The following WDR18 variants were observed in gnomAD, a reference collection of about 807,000 sequenced individuals.
WDR18 encodes WD repeat-containing protein 18.
Under a neutral mutation model 49.6 loss-of-function variants are expected in WDR18, and 33 were observed. That is an observed-to-expected ratio of 0.67 (90% CI 0.50 to 0.89). The LOEUF (loss-of-function observed/expected upper bound fraction) is 0.89. Among genes scored for constraint, WDR18 ranks in the 40% least tolerant of loss-of-function variants. WDR18 has a pLI of 0.00. For synonymous variants in WDR18, 315 were observed against 263.6 expected (o/e 1.19, Z -1.89); for missense variants, 653 against 593.6 (o/e 1.10, Z -1.04).
At chr19:983,668 A>C (rs1187598159), upstream of WDR18, among the ~76,000 whole-genome samples, 1 of 151,902 alleles carries the variant, frequency 6.6e-6, no homozygotes, top group East Asian at 1.9e-4. Flanking sequence ...TGTTTGACCT[A>C]CACCAAGCTA....
intron 2 of WDR18, among the ~76,000 whole-genome samples, chr19:987,939 A>C (rs926350686): frequency 6.8e-6 from 1 of 146,514 alleles, no homozygotes; most frequent in Non-Finnish European, 1.5e-5. Flanking sequence ...GGTTCAAGCG[A>C]TTCTCCTGCC....
rs950003010 is a variant in WDR18, at chr19:991,093, G to C, written c.754G>C (p.Glu252Gln). Residue 252 changes from glutamate (E) to glutamine (Q), a missense_variant, in exon 6 of 10, where the codon GAG (glutamate) becomes CAG (glutamine). Transcript: ENST00000585809. ...VDLFTWPGQR[E>Q]RSFHPEQDAG... ...TCGGCCTTCGCAGCCCGGACAGAGG[G>C]AGAGGAGCTTCCACCCAGAGCAGGA... 1.2e-6 allele frequency: 2 copies of C among 1,601,444 alleles called. No homozygotes were observed. The highest frequency in any genetic ancestry group is 1.7e-5 in the Admixed American group (1 of 58,190).
intron 2 of WDR18, 82 bp downstream of exon 2, chr19:986,057 C>T: frequency 1.4e-6 from 2 of 1,383,890 alleles, no homozygotes; most frequent in Non-Finnish European, 2.0e-6. Flanking sequence ...AGGGAACAAC[C>T]ATGCGGCCTG....
chr19:991,004 C>T lies in WDR18; in HGVS notation c.741+9C>T, dbSNP rs372042080. The T allele has an allele frequency of 2.7e-5, 43 of 1,604,354 alleles. No individual in the cohort carries two copies. Among genetic ancestry groups the T allele is most frequent in the Admixed American group, 1.9e-4 (11 of 59,394 alleles). ...TCGACCTCTTCACCTGGGTGAGTGC[C>T]GCGGTCTGCGGGCTGCACCCTGCCC... On this transcript the variant is annotated intron_variant, in intron 5 of 9. Coordinates refer to ENST00000585809, the MANE Select transcript of WDR18 (RefSeq NM_024100.4).
At position 994,332 on chromosome 19, in the gene WDR18, G is replaced by A. The variant is rs1431659319; in HGVS notation, c.1287G>A (p.Arg429=). The change falls in exon 10 of 10, where the codon CGG becomes CGA. Residue 429 remains arginine (R), a synonymous_variant. Coordinates refer to ENST00000585809, the MANE Select transcript of WDR18 (RefSeq NM_024100.4). ...ACTTCTCCACGCGCTTCATCACGCGGCCGGCCAAGTGAGGCCCGGAGACCC... is the reference window on the plus strand; with the variant it reads ...ACTTCTCCACGCGCTTCATCACGCGACCGGCCAAGTGAGGCCCGGAGACCC... The part of the protein sequence containing the change: ...LFDFSTRFIT[R]PAK 6.2e-7 allele frequency: 1 copy of A among 1,609,306 alleles called. No homozygotes were observed. The highest frequency in any genetic ancestry group is 1.3e-5 in the African/African-American group (1 of 74,998).
At chr19:989,446 G>T (rs573646835) in intron 2 of WDR18, among the ~76,000 whole-genome samples, 42 of 152,314 alleles carry the variant, frequency 2.8e-4, no homozygotes, top group African/African-American at 1.0e-3. Context: ...CAGGACGCCT[G>T]GGGTCAGGCT....
At chr19:985,559 G>C (rs1191755161) in intron 1 of WDR18, among the ~76,000 whole-genome samples, 1 of 152,096 alleles carries the variant, frequency 6.6e-6, no homozygotes, top group Non-Finnish European at 1.5e-5. Flanking sequence ...AAGCCTACTG[G>C]GCTCTTGGGC....
intron 2 of WDR18, 45 bp downstream of exon 2, chr19:986,020 C>G (rs1275014703): frequency 1.9e-6 from 3 of 1,585,108 alleles, no homozygotes; most frequent in Non-Finnish European, 8.7e-7. Flanking sequence ...ACATCTCAGC[C>G]CATCTGAGCT....
chr19:991,410 T>A (rs2038546566), intron 7 of WDR18, 59 bp downstream of exon 7: 2 of 1,133,138 alleles, frequency 1.8e-6, no homozygotes, highest in Admixed American at 3.6e-5. Context: ...CAGCAGGAGC[T>A]CCGGGCTTGG....
At chr19:985,063 C>G (rs1413166676) in intron 1 of WDR18, among the ~76,000 whole-genome samples, 2 of 152,204 alleles carry the variant, frequency 1.3e-5, no homozygotes, top group Non-Finnish European at 2.9e-5. Context: ...CAGCCAGTCC[C>G]TGAAGCTACT....
intron 2 of WDR18, among the ~76,000 whole-genome samples, chr19:986,913 C>G (rs1020407762): frequency 6.6e-6 from 1 of 152,208 alleles, no homozygotes; most frequent in African/African-American, 2.4e-5. Flanking sequence ...GCAGGGCAGA[C>G]AGTACAAGAT....
At position 991,970 on chromosome 19, in the gene WDR18, C is replaced by G; in HGVS notation, c.947C>G (p.Ala316Gly). Residue 316 changes from alanine (A) to glycine (G), a missense_variant, in exon 8 of 10, where the codon GCC becomes GGC. Coordinates refer to ENST00000585809, the MANE Select transcript of WDR18 (RefSeq NM_024100.4). ...TVALKGPVTN[A>G]AILLAPVSML... ...CGCCCCCCAGGCCCAGTCACCAATG[C>G]CGCCATCCTGCTGGCGCCCGTCAGC... is the stretch of plus-strand genomic sequence containing the variant. The G allele has an allele frequency of 6.3e-7, 1 of 1,591,664 alleles. No homozygotes were observed. Among genetic ancestry groups the G allele is most frequent in the African/African-American group, 1.4e-5 (1 of 73,506 alleles).
chr19:989,990 C>A (rs1015604742), intron 3 of WDR18, 95 bp downstream of exon 3: 13 of 1,503,584 alleles, frequency 8.6e-6, no homozygotes, highest in Non-Finnish European at 1.1e-5. Flanking sequence ...AGGGGCTTCT[C>A]TCTTGGGGGC....
chr19:983,219 C>G (rs183696302), upstream of WDR18, among the ~76,000 whole-genome samples: 2 of 152,178 alleles, frequency 1.3e-5, no homozygotes, highest in Non-Finnish European at 2.9e-5. Context: ...AAGGCCTAAG[C>G]CCAGGTGTTG....
Position 991,241 on chromosome 19 carries a change from G to T in WDR18, c.821G>T (p.Cys274Phe). Residue 274 changes from cysteine (C) to phenylalanine (F), a missense_variant, in exon 7 of 10, where the codon TGC becomes TTC. Transcript: ENST00000585809. ...VFKGHRNQVT[C>F]LSVSTDGSVL... The stretch of plus-strand genomic sequence containing the variant: ...TGTCTGTCCAGGAACCAGGTGACTT[G>T]CCTGTCAGTGTCCACTGACGGCAGC... The T allele has an allele frequency of 6.4e-7, 1 of 1,574,460 alleles. No individual in the cohort carries two copies. Among genetic ancestry groups the T allele is most frequent in the African/African-American group, 1.4e-5 (1 of 73,896 alleles).
chr19:991,889 A>G (rs1233813420), intron 7 of WDR18, 66 bp from the exon 8 acceptor site: 23 of 1,395,710 alleles, frequency 1.6e-5, no homozygotes, highest in East Asian at 9.0e-5. Context: ...GATGGGGCGG[A>G]ACTTGGCTTG....
At position 990,875 on chromosome 19, in the gene WDR18, G is replaced by T; in HGVS notation, c.621G>T (p.Glu207Asp). Residue 207 changes from glutamate to aspartate, a missense_variant, in exon 5 of 10, where the codon GAG (glutamate) becomes GAT (aspartate). Glu to Asp is a conservative substitution (Grantham distance 45). Coordinates refer to ENST00000585809, the MANE Select transcript of WDR18 (RefSeq NM_024100.4). ...AGCTATGGGAGGTCTCCTCGGGGGA[G>T]CTGCTGCTCTCCGTCCTCTTTGACG... The part of the protein sequence containing the change: ...TVKLWEVSSG[E>D]LLLSVLFDVS... 6.2e-7 allele frequency: 1 copy of T among 1,611,304 alleles called. No individual in the cohort carries two copies. The highest frequency in any genetic ancestry group is 1.1e-5 in the South Asian group (1 of 90,898).
At position 994,067 on chromosome 19, in the gene WDR18, C is replaced by A. The variant is rs1362429600; in HGVS notation, c.1146C>A (p.Val382=). The A allele has an allele frequency of 1.3e-6, 2 of 1,560,538 alleles. No individual in the cohort carries two copies. Among genetic ancestry groups the A allele is most frequent in the East Asian group, 2.4e-5 (1 of 41,830 alleles). ...YLDRTEQLQA[V]LCSTMEKSVL... ...ACCGCACGGAGCAGCTGCAGGCCGT[C>A]CTGTGCAGCACCATGGAGAAGGTGG... Residue 382 remains valine, a synonymous_variant, in exon 9 of 10, where the codon GTC becomes GTA. Coordinates refer to ENST00000585809, the MANE Select transcript of WDR18 (RefSeq NM_024100.4).
intron 8 of WDR18, among the ~76,000 whole-genome samples, chr19:993,792 G>A (rs560691272): frequency 7.9e-5 from 12 of 152,224 alleles, no homozygotes; most frequent in Non-Finnish European, 5.9e-5. Flanking sequence ...GGGCGCAGTC[G>A]TGGAGGATCT....
Sources: allele counts gnomAD v4.1 joint callset (sites outside exome capture counted in the v4.1 genomes callset), GRCh38; gene constraint gnomAD v4.1.1; transcripts MANE v1.5; gene names NCBI Gene and HGNC (gene_info 2026-07-23, HGNC 2026-07-21).